TRMT11: variants seen among roughly 807,000 people sequenced by gnomAD.
The protein encoded by TRMT11 is tRNA (guanine(10)-N(2))-methyltransferase TRMT11.
A neutral mutation model predicts 62.8 loss-of-function variants in TRMT11; 53 were observed. That is an observed-to-expected ratio of 0.84 (90% CI 0.68 to 1.06). TRMT11 has a LOEUF of 1.06. Among genes scored for constraint, TRMT11 ranks in the 50% least tolerant of loss-of-function variants. The pLI, the probability that TRMT11 is intolerant of heterozygous loss-of-function variation, is 0.00. For missense variants in TRMT11, 556 were observed against 553.4 expected (o/e 1.00, Z -0.05); for synonymous variants, 188 against 190.3 (o/e 0.99, Z 0.10).
chr6:126,163,300 G>A (rs1223570250), intron 21 of TRMT11, among the ~76,000 whole-genome samples: 2 of 152,150 alleles, frequency 1.3e-5, no homozygotes, highest in South Asian at 4.1e-4. Context: ...GGCCTTTTCT[G>A]CATCTATTGA....
the TRMT11 span, among the ~76,000 whole-genome samples, chr6:126,216,748 T>G: frequency 6.6e-6 from 1 of 152,178 alleles, no homozygotes; most frequent in Non-Finnish European, 1.5e-5. Context: ...GCTTGTTGTT[T>G]TATAACCTTC....
rs1262267386 is a variant in TRMT11 at position 125,998,215 on chromosome 6, T to C, written c.295-8T>C. 7 of 1,600,076 alleles carry C rather than the reference T, an allele frequency of 4.4e-6. No individual in the cohort carries two copies. Among genetic ancestry groups the C allele is most frequent in the Non-Finnish European group, 5.1e-6 (6 of 1,168,096 alleles). ...AATACTCAAAAAACTGATTTCCTTT[T>C]ATTTTAGGTTCCATTTCTACATTCG... On this transcript the variant is annotated splice_region_variant and splice_polypyrimidine_tract_variant and intron_variant, in intron 4 of 12. Transcript: ENST00000334379.
downstream of TRMT11, among the ~76,000 whole-genome samples, chr6:126,206,425 G>A (rs80049808): frequency 2.0e-5 from 3 of 152,066 alleles, no homozygotes; most frequent in Admixed American, 6.6e-5. Context: ...AATCTTTGTC[G>A]GTCTATGGAC....
intron 16 of TRMT11, among the ~76,000 whole-genome samples, chr6:126,052,694 C>T (rs1776253381): frequency 6.6e-6 from 1 of 152,136 alleles, no homozygotes; most frequent in Non-Finnish European, 1.5e-5. Context: ...AGAAATGCTG[C>T]CAGGAAAGTC....
At chr6:126,106,595 T>G (rs1361438132) in intron 17 of TRMT11, among the ~76,000 whole-genome samples, 6 of 152,140 alleles carry the variant, frequency 3.9e-5, no homozygotes, top group Non-Finnish European at 8.8e-5. Context: ...GAGAGAGACT[T>G]GGGTTTGAAT....
chr6:126,018,127 A>G (rs532162215), intron 11 of TRMT11, among the ~76,000 whole-genome samples: 2 of 152,362 alleles, frequency 1.3e-5, no homozygotes, highest in South Asian at 4.1e-4. Flanking sequence ...AATATGTACA[A>G]TTATAATTCA....
At chr6:126,208,040 G>A (rs1778806178), downstream of TRMT11, among the ~76,000 whole-genome samples, 1 of 152,090 alleles carries the variant, frequency 6.6e-6, no homozygotes, top group East Asian at 1.9e-4. Context: ...TACCCGCAAA[G>A]AAGAAAAAAT....
At chr6:126,182,142 T>C (rs953007807) in intron 1 of TRMT11, among the ~76,000 whole-genome samples, 1 of 152,174 alleles carries the variant, frequency 6.6e-6, no homozygotes, top group African/African-American at 2.4e-5. Context: ...ACATAAACTC[T>C]AGAGTGCACA....
intron 6 of TRMT11, 52 bp from the exon 7 acceptor site, chr6:125,999,405 C>T (rs1026264232): frequency 3.9e-5 from 56 of 1,421,330 alleles, no homozygotes; most frequent in Non-Finnish European, 4.9e-5. Context: ...GAGTGATTAT[C>T]TTAAGTCTAT....
intron 16 of TRMT11, among the ~76,000 whole-genome samples, chr6:126,051,705 G>C (rs940224305): frequency 2.0e-5 from 3 of 152,142 alleles, no homozygotes; most frequent in African/African-American, 7.2e-5. Context: ...GATGATATCT[G>C]AGATTCCAGC....
chr6:125,997,718 A>G (rs1295423547), intron 3 of TRMT11, among the ~76,000 whole-genome samples: 1 of 152,214 alleles, frequency 6.6e-6, no homozygotes, highest in East Asian at 1.9e-4. Flanking sequence ...TATGTTGCCC[A>G]GGCTGGTCTT....
At position 126,056,298 on chromosome 6, in the gene TRMT11, GA is replaced by G. The variant is rs1776372795; in HGVS notation, c.*1437+3110del. Among the ~76,000 whole-genome samples, 3 of 152,314 alleles carry G rather than the reference GA, an allele frequency of 2.0e-5. No homozygotes were observed. In the South Asian group the frequency reaches 6.2e-4, roughly 32 times the overall value. ...AACTAAATCCATTAGGCGAGGAGTT[GA>G]ATCATGGTAAGGAGTCAAATTGTTC... On this transcript the variant is annotated intron_variant and NMD_transcript_variant, in intron 17 of 22. Transcript: ENST00000648977.
chr6:126,076,464 C>T (rs554109921), intron 17 of TRMT11, among the ~76,000 whole-genome samples: 2 of 152,308 alleles, frequency 1.3e-5, no homozygotes, highest in South Asian at 4.1e-4. Context: ...ACCTTTGGAT[C>T]AAGCACTGCC....
the TRMT11 span, among the ~76,000 whole-genome samples, chr6:126,261,998 A>T: frequency 6.6e-6 from 1 of 152,174 alleles, no homozygotes; most frequent in African/African-American, 2.4e-5. Flanking sequence ...GGTTTGTGTG[A>T]GTACAGCGAG....
chr6:126,228,994 A>G, the TRMT11 span, among the ~76,000 whole-genome samples: 6 of 152,302 alleles, frequency 3.9e-5, 1 homozygote, highest in Admixed American at 1.3e-4. Context: ...CTTCATGAAG[A>G]TATGTGGCTC....
Position 126,011,363 on chromosome 6 carries a change from G to A in TRMT11, c.871G>A (p.Ala291Thr), listed in dbSNP as rs925246936. Reference protein sequence around the residue: ...KYYLDVLVSDASKPSWRKGTY... With the variant: ...KYYLDVLVSDTSKPSWRKGTY... ...TTACCTTGATGTCCTGGTTTCAGAT[G>A]CATCTAAACCTTCCTGGAGGAAGGG... Residue 291 changes from alanine to threonine, a missense_variant, in exon 9 of 13, where the codon GCA (alanine) becomes ACA (threonine). Ala to Thr is a moderately conservative substitution (Grantham distance 58). Transcript: ENST00000334379. 1.5e-5 allele frequency: 24 copies of A among 1,613,112 alleles called. No individual in the cohort carries two copies. The highest frequency in any genetic ancestry group is 2.0e-5 in the Non-Finnish European group (24 of 1,179,426).
intron 17 of TRMT11, among the ~76,000 whole-genome samples, chr6:126,099,122 C>T (rs1777369764): frequency 6.6e-6 from 1 of 152,108 alleles, no homozygotes; most frequent in African/African-American, 2.4e-5. Flanking sequence ...TCATTGTTAG[C>T]TTCTTATCAT....
At chr6:126,214,894 C>G in the TRMT11 span, among the ~76,000 whole-genome samples, 81 of 151,992 alleles carry the variant, frequency 5.3e-4, no homozygotes, top group African/African-American at 1.9e-3. Flanking sequence ...CTTAGTACTG[C>G]TTTTGCCGTA....
chr6:126,221,220 A>G, the TRMT11 span, among the ~76,000 whole-genome samples: 2 of 152,222 alleles, frequency 1.3e-5, no homozygotes, highest in African/African-American at 4.8e-5. Context: ...TGCAATGAAC[A>G]TATGCATGTA....
Sources: gnomAD v4.1 joint callset for allele counts (sites outside exome capture counted in the v4.1 genomes callset) on GRCh38, gnomAD v4.1.1 for gene constraint, MANE v1.5 for transcripts, NCBI Gene and HGNC (gene_info 2026-07-23, HGNC 2026-07-21) for gene names.